The following KDM4C variants were observed in gnomAD, a reference collection of about 807,000 sequenced individuals.
KDM4C encodes lysine-specific demethylase 4C.
In KDM4C, 81 loss-of-function variants were observed where a neutral mutation model predicts 129.3. That is an observed-to-expected ratio of 0.63 (90% CI 0.52 to 0.75). The LOEUF (loss-of-function observed/expected upper bound fraction) is 0.75. Ranked by LOEUF, KDM4C falls within the 30% of genes least tolerant of loss-of-function variation. KDM4C has a pLI of 0.00. For missense variants in KDM4C, 1,457 were observed against 1,304.0 expected (o/e 1.12, Z -1.81); for synonymous variants, 573 against 456.1 (o/e 1.26, Z -3.26).
chr9:7,083,478 A>G (rs1834767211), intron 17 of KDM4C, among the ~76,000 whole-genome samples: 1 of 152,186 alleles, frequency 6.6e-6, no homozygotes, highest in Admixed American at 6.5e-5. Context: ...CCTTGATGGC[A>G]TAGACTACTA....
chr9:7,089,367 C>T (rs1039822325), intron 17 of KDM4C, among the ~76,000 whole-genome samples: 16 of 152,262 alleles, frequency 1.1e-4, no homozygotes, highest in African/African-American at 3.9e-4. Context: ...TCTTTTGCAG[C>T]AGGATCGAGT....
chr9:6,746,628 C>G (rs1817884636), intron 1 of KDM4C, among the ~76,000 whole-genome samples: 1 of 151,590 alleles, frequency 6.6e-6, no homozygotes, highest in Non-Finnish European at 1.5e-5. Context: ...GCCCGAAATC[C>G]CAGCACTTTG....
chr9:6,775,601 C>A (rs897362409), intron 1 of KDM4C, among the ~76,000 whole-genome samples: 1 of 151,940 alleles, frequency 6.6e-6, no homozygotes, highest in Non-Finnish European at 1.5e-5. Flanking sequence ...CGGCTCACTG[C>A]AACCTCCACC....
chr9:6,802,562 A>G (rs1564042360), intron 2 of KDM4C, among the ~76,000 whole-genome samples: 1 of 152,232 alleles, frequency 6.6e-6, no homozygotes, highest in Non-Finnish European at 1.5e-5. Context: ...TATTTATAAG[A>G]CAAAATACTG....
At chr9:7,097,138 A>G (rs529829484) in intron 17 of KDM4C, among the ~76,000 whole-genome samples, 14 of 152,110 alleles carry the variant, frequency 9.2e-5, no homozygotes, top group South Asian at 2.1e-4. Flanking sequence ...CTCACAGTCT[A>G]CTTCTTCTTA....
chr9:7,116,471 A>G (rs1024836779), intron 18 of KDM4C, among the ~76,000 whole-genome samples: 3 of 151,888 alleles, frequency 2.0e-5, no homozygotes, highest in Non-Finnish European at 4.4e-5. Flanking sequence ...GGAAACTAGG[A>G]AGGATGCAGT....
At chr9:7,087,408 A>G (rs879737995) in intron 17 of KDM4C, among the ~76,000 whole-genome samples, 17 of 152,210 alleles carry the variant, frequency 1.1e-4, no homozygotes, top group Non-Finnish European at 1.3e-4. Context: ...CAATAAAAAT[A>G]TACTTTTTTC....
intron 8 of KDM4C, among the ~76,000 whole-genome samples, chr9:6,953,970 C>A (rs576195287): frequency 6.6e-6 from 1 of 152,258 alleles, no homozygotes; most frequent in South Asian, 2.1e-4. Context: ...TTGAATTTAC[C>A]TTTTCAGCCT....
intron 5 of KDM4C, among the ~76,000 whole-genome samples, chr9:6,852,067 A>T (rs2130184116): frequency 6.6e-6 from 1 of 152,328 alleles, no homozygotes; most frequent in East Asian, 1.9e-4. Context: ...GATTCTACAT[A>T]CTATTTCCTA....
At chr9:7,005,035 T>G (rs1463458204) in intron 12 of KDM4C, among the ~76,000 whole-genome samples, 3 of 152,144 alleles carry the variant, frequency 2.0e-5, no homozygotes, top group Non-Finnish European at 4.4e-5. Flanking sequence ...CAGTAAAGAT[T>G]AATTGACAAA....
At chr9:6,939,014 C>T (rs1825339516) in intron 8 of KDM4C, among the ~76,000 whole-genome samples, 1 of 151,768 alleles carries the variant, frequency 6.6e-6, no homozygotes, top group Non-Finnish European at 1.5e-5. Context: ...AGATTGTAAA[C>T]ATTCCTTAAA....
chr9:6,939,389 GC>G (rs926413389), intron 8 of KDM4C, among the ~76,000 whole-genome samples: 3 of 151,946 alleles, frequency 2.0e-5, no homozygotes, highest in African/African-American at 7.2e-5. Context: ...GCTCAGGGCC[GC>G]CACTGATTCT....
chr9:7,040,810 A>G (rs1564027500), intron 15 of KDM4C, among the ~76,000 whole-genome samples: 1 of 151,350 alleles, frequency 6.6e-6, no homozygotes, highest in Non-Finnish European at 1.5e-5. Flanking sequence ...ATTTTAAGAT[A>G]TGTTCTTTTT....
intron 1 of KDM4C, among the ~76,000 whole-genome samples, chr9:6,765,912 C>T (rs944576089): frequency 2.6e-5 from 4 of 152,000 alleles, no homozygotes; most frequent in African/African-American, 9.7e-5. Context: ...CCTCAGTCTC[C>T]TGAGTAGCTG....
intron 3 of KDM4C, 145 bp downstream of exon 3, chr9:6,805,919 C>G (rs1829884936): frequency 3.0e-6 from 2 of 665,656 alleles, no homozygotes; most frequent in Admixed American, 3.5e-5. Context: ...TTTCTGTTTT[C>G]TGTTCTTTAG....
rs1237045825 is a variant in KDM4C, at chr9:6,966,190, C to CT, written c.922-14724dup. 3.2e-3 allele frequency among the ~76,000 whole-genome samples: 479 copies of CT among 147,898 alleles called. 2 individuals carry two copies. The highest frequency in any genetic ancestry group is 0.011 in the African/African-American group (449 of 40,496). On this transcript the variant is annotated intron_variant, in intron 8 of 21. Coordinates refer to ENST00000381309, the MANE Select transcript of KDM4C (RefSeq NM_015061.6). ...AAAGTAAGAATTTCCACTCCTAATA[C>CT]TTTTTTTTTTTAGACGGAGTCTCGC...
intron 1 of KDM4C, among the ~76,000 whole-genome samples, chr9:6,760,445 G>GTATATA (rs60954996): frequency 0.062 from 8,855 of 142,442 alleles, 319 homozygotes; most frequent in Middle Eastern, 0.085. Context: ...CTACTCTTGG[G>GTATATA]TATATATATA....
intron 15 of KDM4C, among the ~76,000 whole-genome samples, chr9:7,034,875 G>C (rs556341335): frequency 2.1e-4 from 32 of 152,244 alleles, no homozygotes; most frequent in African/African-American, 6.7e-4. Context: ...ATTCTCACTG[G>C]GGTGAAAGGA....
At chr9:7,024,157 G>A (rs1046045451) in intron 15 of KDM4C, among the ~76,000 whole-genome samples, 4 of 152,120 alleles carry the variant, frequency 2.6e-5, no homozygotes, top group Non-Finnish European at 5.9e-5. Context: ...TTGGTCTGTA[G>A]TGTAGATTAC....
Sources: allele counts gnomAD v4.1 joint callset (sites outside exome capture counted in the v4.1 genomes callset), GRCh38; gene constraint gnomAD v4.1.1; transcripts MANE v1.5; gene names NCBI Gene and HGNC (gene_info 2026-07-23, HGNC 2026-07-21).